Variants in OTULIN observed in about 807,000 individuals in gnomAD.
OTULIN encodes the protein OTU deubiquitinase with linear linkage specificity, also known as ubiquitin thioesterase otulin.
A neutral mutation model predicts 39.6 loss-of-function variants in OTULIN; 15 were observed. That is an observed-to-expected ratio of 0.38 (90% CI 0.25 to 0.58). The LOEUF (loss-of-function observed/expected upper bound fraction) is 0.58. Among genes scored for constraint, OTULIN ranks in the 20% least tolerant of loss-of-function variants. The probability of loss-of-function intolerance (pLI) is 0.66; values close to 1 mark genes in which losing one functional copy is unlikely to be tolerated. For missense variants in OTULIN, 319 were observed against 445.9 expected (o/e 0.72, Z 2.56); for synonymous variants, 156 against 170.3 (o/e 0.92, Z 0.65).
intron 1 of OTULIN, among the ~76,000 whole-genome samples, chr5:14,671,229 AAAAG>A (rs1255627266): frequency 1.3e-5 from 2 of 152,184 alleles, no homozygotes; most frequent in Admixed American, 1.3e-4. Flanking sequence ...TTGTAGATTA[AAAAG>A]AAAGAGAACA....
In OTULIN at chr5:14,667,878, C is replaced by T. The variant is rs576901691; in HGVS notation, c.152+2901C>T. The stretch of plus-strand genomic sequence containing the variant: ...AGATTAGTTTACCTTCAAGCTCCCT[C>T]TGCTGCTCTCCTATGCTCTATCCCC... On this transcript the variant is annotated intron_variant, in intron 1 of 6. Transcript: ENST00000284274. Among the ~76,000 whole-genome samples the T allele has an allele frequency of 2.0e-5, 3 of 152,316 alleles. No individual in the cohort carries two copies. The South Asian group carries it at 6.2e-4, about 32-fold the overall frequency.
At chr5:14,674,614 G>C (rs1579963222) in intron 2 of OTULIN, among the ~76,000 whole-genome samples, 1 of 152,134 alleles carries the variant, frequency 6.6e-6, no homozygotes, top group Non-Finnish European at 1.5e-5. Context: ...AATTAATCGG[G>C]CGTGGTGGTG....
At chr5:14,667,153 T>C (rs978363779) in intron 1 of OTULIN, among the ~76,000 whole-genome samples, 2 of 152,204 alleles carry the variant, frequency 1.3e-5, no homozygotes, top group African/African-American at 4.8e-5. Flanking sequence ...TTTAATACAT[T>C]CAGTGGACAG....
chr5:14,713,064 TCGAGACGGCTGAGA>T, the OTULIN span: 7 of 1,264,398 alleles, frequency 5.5e-6, no homozygotes, highest in Non-Finnish European at 6.7e-6. This position sits in a 1 kb window ranked among gnomAD's most constrained non-coding sequence, Gnocchi z 4.4. Flanking sequence ...AAGTGTAGCC[TCGAGACGGCTGAGA>T]CCAGCGGCGT....
At chr5:14,711,245 C>T in the OTULIN span, 760 of 1,614,128 alleles carry the variant, frequency 4.7e-4, 1 homozygote, top group Non-Finnish European at 5.5e-4. Context: ...CCTCCTCTGT[C>T]GGAGGCATGT....
chr5:14,672,473 A>T (rs903720936), intron 1 of OTULIN, among the ~76,000 whole-genome samples: 1 of 152,020 alleles, frequency 6.6e-6, no homozygotes, highest in Non-Finnish European at 1.5e-5. Flanking sequence ...AATTGGGGGT[A>T]GGGATATCTC....
rs1208446003 is a variant in OTULIN, at chr5:14,697,212, C to G, written c.*4164C>G. On this transcript the variant is annotated 3_prime_UTR_variant, in exon 7 of 7. Coordinates refer to ENST00000284274, the MANE Select transcript of OTULIN (RefSeq NM_138348.6). ...ATATTTTTTGAGATGGGGTCTTGCT[C>G]TGTTGCCCAGGCTGGAGTGCAGTGG... 6.6e-6 allele frequency: 1 copy of G among 152,238 alleles called. No homozygotes were observed. The highest frequency in any genetic ancestry group is 1.5e-5 in the Non-Finnish European group (1 of 68,110). 9.4% of individuals were successfully genotyped at this position (152,238 alleles called of 1,614,324 possible).
At chr5:14,683,426 A>G (rs775196993) in intron 4 of OTULIN, among the ~76,000 whole-genome samples, 14 of 152,242 alleles carry the variant, frequency 9.2e-5, no homozygotes, top group Non-Finnish European at 1.6e-4. Flanking sequence ...ATTTATTAGT[A>G]AAGTATTTCA....
At chr5:14,687,895 T>C in intron 5 of OTULIN, 1 of 280,748 alleles carries the variant, frequency 3.6e-6, no homozygotes, top group East Asian at 6.4e-5. Flanking sequence ...TTGACTTTCT[T>C]AAAAGGAAAC....
chr5:14,682,855 G>A (rs577313252), intron 4 of OTULIN, among the ~76,000 whole-genome samples: 3 of 152,260 alleles, frequency 2.0e-5, no homozygotes, highest in Non-Finnish European at 4.4e-5. Flanking sequence ...TCTCAAGCTC[G>A]GTGCCTGATA....
intron 5 of OTULIN, 147 bp downstream of exon 5, chr5:14,687,793 C>G (rs1736423461): frequency 2.0e-6 from 2 of 980,834 alleles, no homozygotes; most frequent in Admixed American, 5.4e-5. Context: ...AATTCAAACT[C>G]TTCCCACGAG....
At chr5:14,676,605 G>A (rs1314446331) in intron 2 of OTULIN, among the ~76,000 whole-genome samples, 1 of 152,250 alleles carries the variant, frequency 6.6e-6, no homozygotes, top group Admixed American at 6.5e-5. Context: ...GTCATGGGGT[G>A]CTGGGCTTGC....
chr5:14,695,845 G>A lies in OTULIN; in HGVS notation c.*2797G>A, dbSNP rs573351589. The A allele has an allele frequency of 6.6e-6, 1 of 152,338 alleles. No individual in the cohort carries two copies. Among genetic ancestry groups the A allele is most frequent in the East Asian group, 1.9e-4 (1 of 5,190 alleles). 9.4% of individuals were successfully genotyped at this position (152,338 alleles called of 1,614,324 possible). The stretch of plus-strand genomic sequence containing the variant: ...TGCAGTTCCTCTTCCGTAGAATACA[G>A]AGTGGATGAAAATGTTTTCAATGCA... On this transcript the variant is annotated 3_prime_UTR_variant, in exon 7 of 7. Transcript: ENST00000284274.
At chr5:14,668,149 G>A (rs1735895968) in intron 1 of OTULIN, among the ~76,000 whole-genome samples, 3 of 152,166 alleles carry the variant, frequency 2.0e-5, no homozygotes. Flanking sequence ...CAGAGGGGCT[G>A]TGAACAAAAA....
intron 4 of OTULIN, among the ~76,000 whole-genome samples, chr5:14,682,593 T>TG (rs745369681): frequency 3.9e-5 from 6 of 152,212 alleles, no homozygotes; most frequent in Non-Finnish European, 7.3e-5. Context: ...CGTGGGAGAT[T>TG]GGCCTTATAG....
the OTULIN span, among the ~76,000 whole-genome samples, chr5:14,716,239 C>A: frequency 0.1 from 15,442 of 152,166 alleles, 879 homozygotes; most frequent in African/African-American, 0.16. Flanking sequence ...CAGTGGCTCA[C>A]GCCTGTAATC....
downstream of OTULIN, among the ~76,000 whole-genome samples, chr5:14,701,143 C>G (rs571417869): frequency 6.6e-6 from 1 of 152,296 alleles, no homozygotes; most frequent in South Asian, 2.1e-4. Flanking sequence ...ATCTTTGAGG[C>G]CCCCTCTGTC....
At chr5:14,674,184 G>A (rs559153191) in intron 2 of OTULIN, 52 of 153,960 alleles carry the variant, frequency 3.4e-4, no homozygotes, top group Non-Finnish European at 6.3e-4. Context: ...GTGATTTCAT[G>A]TCTGTGTTTT....
chr5:14,665,983 G>C (rs527780662), intron 1 of OTULIN, among the ~76,000 whole-genome samples: 1 of 152,336 alleles, frequency 6.6e-6, no homozygotes, highest in South Asian at 2.1e-4. Context: ...GATTGGAGGG[G>C]AGAAATATCC....
Sources: allele counts gnomAD v4.1 joint callset (sites outside exome capture counted in the v4.1 genomes callset), GRCh38; gene constraint gnomAD v4.1.1; non-coding constraint Gnocchi (gnomAD v3.1); transcripts MANE v1.5; gene names NCBI Gene and HGNC (gene_info 2026-07-23, HGNC 2026-07-21).